IQCM: variants seen among roughly 807,000 people sequenced by gnomAD.
IQCM encodes the protein IQ motif containing M, also known as IQ domain-containing protein M.
IQCM carries 45 observed loss-of-function variants against 57.6 expected under a neutral mutation model. That is an observed-to-expected ratio of 0.78 (90% confidence interval 0.62 to 1.00). The LOEUF (loss-of-function observed/expected upper bound fraction) is 1.00, where lower values mean the gene tolerates loss of function less well. Ranked by LOEUF, IQCM falls within the 50% of genes least tolerant of loss-of-function variation. The pLI, the probability that IQCM is intolerant of heterozygous loss-of-function variation, is 0.00. For missense variants in IQCM, 468 were observed against 511.6 expected (o/e 0.91, Z 0.82); for synonymous variants, 148 against 158.9 (o/e 0.93, Z 0.51).
At chr4:149,604,055 T>C (rs1754560109) in intron 8 of IQCM, among the ~76,000 whole-genome samples, 1 of 152,128 alleles carries the variant, frequency 6.6e-6, no homozygotes, top group Admixed American at 6.6e-5. Flanking sequence ...AAAAAAGTTT[T>C]CATAATATAT....
intron 13 of IQCM, among the ~76,000 whole-genome samples, chr4:149,409,206 C>A (rs1733198334): frequency 6.6e-6 from 1 of 152,136 alleles, no homozygotes; most frequent in South Asian, 2.1e-4. Context: ...CACAAAAGGT[C>A]AGTCAAGATG....
chr4:149,496,475 C>T (rs1027687988), intron 12 of IQCM, among the ~76,000 whole-genome samples: 1 of 151,952 alleles, frequency 6.6e-6, no homozygotes, highest in South Asian at 2.1e-4. Flanking sequence ...AAGAGAGAGG[C>T]AGGAGAGTCA....
chr4:149,780,002 T>G lies in IQCM; in HGVS notation c.-49+35309A>C, dbSNP rs192334357. Among the ~76,000 whole-genome samples the G allele has an allele frequency of 3.2e-4, 48 of 152,162 alleles. 1 individual carries two copies. Among genetic ancestry groups the G allele is most frequent in the African/African-American group, 1.1e-3 (44 of 41,524 alleles). On this transcript the variant is annotated intron_variant, in intron 2 of 13. Transcript: ENST00000636793. ...AGGGAGTATGTCATATCAATCCAAA[T>G]GGATTTGAAGGAAAGATGCAAATTA... is the stretch of plus-strand genomic sequence containing the variant.
intron 9 of IQCM, among the ~76,000 whole-genome samples, chr4:149,579,634 C>A (rs527926499): frequency 6.6e-6 from 1 of 152,004 alleles, no homozygotes; most frequent in South Asian, 2.1e-4. Flanking sequence ...TGGGCAGGAC[C>A]TTTGCATAAG....
At chr4:149,642,042 A>G (rs1454838510) in intron 7 of IQCM, among the ~76,000 whole-genome samples, 2 of 152,170 alleles carry the variant, frequency 1.3e-5, no homozygotes, top group African/African-American at 4.8e-5. Context: ...AAGAAGAAAT[A>G]GTCCAGACAG....
At chr4:149,501,984 A>G (rs1215107527) in intron 12 of IQCM, among the ~76,000 whole-genome samples, 1 of 152,122 alleles carries the variant, frequency 6.6e-6, no homozygotes, top group Non-Finnish European at 1.5e-5. Context: ...AACTTCCTAT[A>G]ACTTTAGCTC....
At chr4:149,645,954 C>T (rs971033171) in intron 7 of IQCM, among the ~76,000 whole-genome samples, 11 of 152,192 alleles carry the variant, frequency 7.2e-5, no homozygotes. Context: ...CTGCCCCTGG[C>T]TGAGACCTGC....
intron 2 of IQCM, among the ~76,000 whole-genome samples, chr4:149,777,034 T>C (rs1771156237): frequency 1.3e-5 from 2 of 152,178 alleles, no homozygotes; most frequent in Admixed American, 6.5e-5. Context: ...GGTTTTTATG[T>C]TCTTGAACAG....
At chr4:149,490,116 T>C (rs534715712) in intron 12 of IQCM, among the ~76,000 whole-genome samples, 7 of 151,890 alleles carry the variant, frequency 4.6e-5, no homozygotes, top group Non-Finnish European at 1.0e-4. Flanking sequence ...GTTGGAGAAA[T>C]AAGTTGCATA....
chr4:149,446,509 C>T (rs1327889795), intron 12 of IQCM, among the ~76,000 whole-genome samples: 1 of 151,576 alleles, frequency 6.6e-6, no homozygotes, highest in Non-Finnish European at 1.5e-5. Flanking sequence ...TGGAGAGGCA[C>T]AGGCATGTGG....
intron 5 of IQCM, among the ~76,000 whole-genome samples, chr4:149,726,255 C>T (rs988793496): frequency 6.6e-6 from 1 of 152,112 alleles, no homozygotes; most frequent in Non-Finnish European, 1.5e-5. Flanking sequence ...CCAACACTTT[C>T]GGTCCCATCC....
At chr4:149,755,726 T>C (rs1052681890) in intron 2 of IQCM, among the ~76,000 whole-genome samples, 2 of 152,178 alleles carry the variant, frequency 1.3e-5, no homozygotes, top group Non-Finnish European at 2.9e-5. Context: ...TTCCCAAATG[T>C]ATTTTCTCTT....
chr4:149,565,044 T>C (rs1372210168), intron 9 of IQCM, among the ~76,000 whole-genome samples: 1 of 152,140 alleles, frequency 6.6e-6, no homozygotes. Flanking sequence ...CTAGTTCTCT[T>C]GCAATTTTTG....
intron 13 of IQCM, among the ~76,000 whole-genome samples, chr4:149,354,342 C>A (rs11940302): frequency 0.36 from 37,528 of 105,086 alleles, 5,973 homozygotes; most frequent in Middle Eastern, 0.52. Context: ...CCAGCCTGGG[C>A]GACAGAGCGA....
chr4:149,457,535 G>C (rs904430807), intron 12 of IQCM, among the ~76,000 whole-genome samples: 5 of 151,762 alleles, frequency 3.3e-5, no homozygotes, highest in Admixed American at 1.3e-4. Flanking sequence ...CTAAAACCAA[G>C]ACATGAAAAA....
Position 149,616,945 on chromosome 4 carries a change from A to T in IQCM, c.681+4184T>A, listed in dbSNP as rs550132918. On this transcript the variant is annotated intron_variant, in intron 8 of 13. Coordinates refer to ENST00000636793, the MANE Select transcript of IQCM (RefSeq NM_001363507.2). ...TGTAACAAACCTACATGTTCTGCAC[A>T]TATATCCTGGAACTTTTTTTTTTTT... Among the ~76,000 whole-genome samples, 11 of 151,788 alleles carry T rather than the reference A, an allele frequency of 7.2e-5. No homozygotes were observed. The South Asian group carries it at 1.9e-3, about 26-fold the overall frequency.
chr4:149,374,452 A>G (rs895513497), intron 13 of IQCM, among the ~76,000 whole-genome samples: 2 of 152,000 alleles, frequency 1.3e-5, no homozygotes, highest in Admixed American at 6.6e-5. Context: ...ATTTCAGTCA[A>G]TCTTCTTCAT....
chr4:149,387,789 A>G (rs1177807793), intron 13 of IQCM, among the ~76,000 whole-genome samples: 1 of 151,954 alleles, frequency 6.6e-6, no homozygotes, highest in Non-Finnish European at 1.5e-5. Flanking sequence ...GAATTTTATA[A>G]CATTTTCAAC....
chr4:149,591,626 C>T (rs991038468), intron 8 of IQCM, among the ~76,000 whole-genome samples: 14 of 152,000 alleles, frequency 9.2e-5, no homozygotes, highest in East Asian at 5.8e-4. Flanking sequence ...CGACAGGCCC[C>T]GGTGTGTGAT....
Sources: gnomAD v4.1 joint callset for allele counts (sites outside exome capture counted in the v4.1 genomes callset) on GRCh38, gnomAD v4.1.1 for gene constraint, MANE v1.5 for transcripts, NCBI Gene and HGNC (gene_info 2026-07-23, HGNC 2026-07-21) for gene names.